CACNA2D3: variants seen among roughly 807,000 people sequenced by gnomAD.
The protein encoded by CACNA2D3 is calcium voltage-gated channel auxiliary subunit alpha2delta 3, also known as voltage-dependent calcium channel subunit alpha-2/delta-3.
CACNA2D3 carries 60 observed loss-of-function variants against 160.6 expected under a neutral mutation model. The ratio of observed to expected loss-of-function variants is 0.37; its 90% CI spans 0.30 to 0.46. CACNA2D3 has a LOEUF of 0.46. CACNA2D3 is among the 20% of genes least tolerant of loss of function. The probability of loss-of-function intolerance (pLI) is 1.00; values close to 1 mark genes in which losing one functional copy is unlikely to be tolerated. For synonymous variants in CACNA2D3, 558 were observed against 492.9 expected, an observed-to-expected ratio of 1.13 and a Z score of -1.75; for missense variants, 1,205 against 1,365.0, an observed-to-expected ratio of 0.88 and a Z score of 1.85.
At chr3:54,420,001 G>A (rs890718367) in intron 4 of CACNA2D3, among the ~76,000 whole-genome samples, 3 of 151,960 alleles carry the variant, frequency 2.0e-5, no homozygotes, top group Admixed American at 6.6e-5. Context: ...CCTGACCTCA[G>A]GTGATCCACC....
chr3:54,848,445 T>G (rs1312445499), intron 17 of CACNA2D3, among the ~76,000 whole-genome samples: 1 of 152,230 alleles, frequency 6.6e-6, no homozygotes, highest in Non-Finnish European at 1.5e-5. Flanking sequence ...CCCCATATTC[T>G]GTTTGTGAGA....
chr3:54,156,659 C>T (rs1314460480), intron 2 of CACNA2D3, among the ~76,000 whole-genome samples: 1 of 152,230 alleles, frequency 6.6e-6, no homozygotes, highest in African/African-American at 2.4e-5. Context: ...TTTGTCTTTG[C>T]CTTGGTGGAG....
intron 3 of CACNA2D3, among the ~76,000 whole-genome samples, chr3:54,385,626 T>C (rs1260889717): frequency 1.3e-5 from 2 of 152,196 alleles, no homozygotes; most frequent in Non-Finnish European, 2.9e-5. Context: ...GGTACTCTAC[T>C]GCTGCTTAAA....
intron 11 of CACNA2D3, among the ~76,000 whole-genome samples, chr3:54,742,911 A>G (rs1042533262): frequency 6.6e-6 from 1 of 152,148 alleles, no homozygotes; most frequent in African/African-American, 2.4e-5. Context: ...TTATACCTCC[A>G]TTTCCTCATA....
At chr3:54,314,760 G>T (rs1016331747) in intron 2 of CACNA2D3, among the ~76,000 whole-genome samples, 8 of 152,158 alleles carry the variant, frequency 5.3e-5, no homozygotes, top group Admixed American at 2.0e-4. Context: ...TCGTTATCAT[G>T]TGCTTGGTGT....
intron 5 of CACNA2D3, among the ~76,000 whole-genome samples, chr3:54,535,095 G>A (rs1220535725): frequency 1.3e-5 from 2 of 152,130 alleles, no homozygotes; most frequent in East Asian, 3.8e-4. Flanking sequence ...AAGGGCTTTG[G>A]TTCATTCTCT....
intron 18 of CACNA2D3, among the ~76,000 whole-genome samples, chr3:54,872,019 C>T (rs1699547032): frequency 6.6e-6 from 1 of 152,204 alleles, no homozygotes; most frequent in Non-Finnish European, 1.5e-5. Context: ...AGGCAGGTTC[C>T]TGGGCAGCAA....
intron 2 of CACNA2D3, among the ~76,000 whole-genome samples, chr3:54,162,398 C>T (rs1700362259): frequency 6.6e-6 from 1 of 152,074 alleles, no homozygotes; most frequent in South Asian, 2.1e-4. Flanking sequence ...GTACTGGAAC[C>T]TCAGCTGGGC....
chr3:54,473,321 G>A (rs1700770403), intron 4 of CACNA2D3, among the ~76,000 whole-genome samples: 1 of 152,138 alleles, frequency 6.6e-6, no homozygotes, highest in Non-Finnish European at 1.5e-5. Flanking sequence ...GGGAAAACTT[G>A]CCAGCCATAT....
rs1189620133 is a variant in CACNA2D3, at chr3:54,122,770, T to TGCCGCGCTTCTCTAC, written c.66_80dup (p.Leu23_Leu27dup). The TGCCGCGCTTCTCTAC allele has an allele frequency of 3.3e-5, 41 of 1,226,846 alleles. No individual in the cohort carries two copies. The highest frequency in any genetic ancestry group is 3.2e-4 in the Middle Eastern group (1 of 3,174). The allele number at this position is 1,226,846 out of a possible 1,614,324, so 76.0% of individuals were successfully genotyped here. A position where few individuals can be genotyped will look rare whatever the true frequency, so the allele number is the denominator to read the frequency against. Reference sequence around the variant, plus strand: ...CCCGGGGGGCCTCGGCGCTTCTCGCTGCCGCGCTTCTCTACGCCGCGCTGG... The same window carrying TGCCGCGCTTCTCTAC: ...CCCGGGGGGCCTCGGCGCTTCTCGCTGCCGCGCTTCTCTACGCCGCGCTTCTCTACGCCGCGCTGG... On this transcript the variant is annotated inframe_insertion, in exon 1 of 38. Coordinates refer to ENST00000474759, the MANE Select transcript of CACNA2D3 (RefSeq NM_018398.3).
chr3:54,822,808 TTTC>T lies in CACNA2D3; in HGVS notation c.1398+5941_1398+5943del, dbSNP rs1264729878. Reference sequence around the variant, plus strand: ...TTTCTTTCCTTTCTTTCTTTCTTTCTTTCTTTCTTTCTTTCTTTCTTTCTTTTC... The same window carrying T: ...TTTCTTTCCTTTCTTTCTTTCTTTCTTTTCTTTCTTTCTTTCTTTCTTTTC... On this transcript the variant is annotated intron_variant, in intron 14 of 37. Coordinates refer to ENST00000474759, the MANE Select transcript of CACNA2D3 (RefSeq NM_018398.3). Among the ~76,000 whole-genome samples, 147 of 120,542 alleles carry T rather than the reference TTTC, an allele frequency of 1.2e-3. 3 individuals are homozygous for T. The highest frequency in any genetic ancestry group is 2.3e-3 in the African/African-American group (57 of 25,222). 79.1% of individuals were successfully genotyped at this position (120,542 alleles called of 152,430 possible).
intron 31 of CACNA2D3, among the ~76,000 whole-genome samples, chr3:54,997,071 A>G (rs960710374): frequency 2.0e-5 from 3 of 152,308 alleles, no homozygotes; most frequent in East Asian, 1.9e-4. Context: ...TACCTAATGT[A>G]GATGATGGGT....
At chr3:54,566,303 T>C (rs1475154991) in intron 6 of CACNA2D3, among the ~76,000 whole-genome samples, 1 of 152,220 alleles carries the variant, frequency 6.6e-6, no homozygotes, top group Non-Finnish European at 1.5e-5. Flanking sequence ...CTGTTGGCTA[T>C]TTCCTTCTGA....
chr3:54,356,493 T>A (rs1404094831), intron 3 of CACNA2D3, among the ~76,000 whole-genome samples: 1 of 152,174 alleles, frequency 6.6e-6, no homozygotes, highest in Non-Finnish European at 1.5e-5. Context: ...TGACACAGTG[T>A]GGTGAGTTAT....
chr3:54,358,245 T>C (rs1698682697), intron 3 of CACNA2D3, among the ~76,000 whole-genome samples: 1 of 152,296 alleles, frequency 6.6e-6, no homozygotes, highest in East Asian at 1.9e-4. Context: ...AAAGAAAAGG[T>C]AAAGGGCTTT....
intron 4 of CACNA2D3, among the ~76,000 whole-genome samples, chr3:54,447,782 G>A (rs4974368): frequency 0.13 from 19,094 of 152,248 alleles, 1,523 homozygotes; most frequent in Admixed American, 0.24. Flanking sequence ...GTCTTGACGT[G>A]TATTGCTGTG....
At chr3:54,243,755 C>A (rs1702016845) in intron 2 of CACNA2D3, among the ~76,000 whole-genome samples, 1 of 152,172 alleles carries the variant, frequency 6.6e-6, no homozygotes, top group Non-Finnish European at 1.5e-5. Flanking sequence ...CAAAAAGCAC[C>A]CGTGCTCTGA....
chr3:54,822,742 CTTT>C lies in CACNA2D3; in HGVS notation c.1398+5873_1398+5875del, dbSNP rs1218947756. Among the ~76,000 whole-genome samples, 430 of 55,246 alleles carry C rather than the reference CTTT, an allele frequency of 7.8e-3. 3 individuals carry two copies. The highest frequency in any genetic ancestry group is 0.031 in the African/African-American group (375 of 12,156). 36.2% of individuals were successfully genotyped at this position (55,246 alleles called of 152,430 possible). A position where few individuals can be genotyped will look rare whatever the true frequency, so the allele number is the denominator to read the frequency against. On this transcript the variant is annotated intron_variant, in intron 14 of 37. Coordinates refer to ENST00000474759, the MANE Select transcript of CACNA2D3 (RefSeq NM_018398.3). ...CATTTCTTTTTTATTTTCTTTCTTT[CTTT>C]CTTTCTTTCTTTCTTTCTTTCTTTC...
chr3:54,937,576 G>C (rs1008069834), intron 27 of CACNA2D3, among the ~76,000 whole-genome samples: 1 of 152,180 alleles, frequency 6.6e-6, no homozygotes, highest in Admixed American at 6.5e-5. Context: ...AAAAAGTACA[G>C]CCATTAAAAG....
Sources: gnomAD v4.1 joint callset for allele counts (sites outside exome capture counted in the v4.1 genomes callset) on GRCh38, gnomAD v4.1.1 for gene constraint, MANE v1.5 for transcripts, NCBI Gene and HGNC (gene_info 2026-07-23, HGNC 2026-07-21) for gene names.